ATP8A1: variants seen among roughly 807,000 people sequenced by gnomAD.
ATP8A1 encodes the protein phospholipid-transporting ATPase IA.
In ATP8A1, 90 loss-of-function variants were observed where a neutral mutation model predicts 177.7. That is an observed-to-expected ratio of 0.51 (90% CI 0.43 to 0.60). The LOEUF is 0.60. Ranked by LOEUF, ATP8A1 falls within the 20% of genes least tolerant of loss-of-function variation. The pLI is 0.00. For missense variants in ATP8A1, 1,072 were observed against 1,392.8 expected (o/e 0.77, Z 3.67); for synonymous variants, 493 against 485.9 (o/e 1.01, Z -0.19).
intron 20 of ATP8A1, among the ~76,000 whole-genome samples, chr4:42,529,928 A>C (rs1727089644): frequency 6.6e-6 from 1 of 151,570 alleles, no homozygotes; most frequent in Non-Finnish European, 1.5e-5. Context: ...ACTTGGAAGA[A>C]GCATGACTGG....
intron 20 of ATP8A1, among the ~76,000 whole-genome samples, chr4:42,541,137 G>C (rs954483348): frequency 6.6e-6 from 1 of 151,256 alleles, no homozygotes; most frequent in Non-Finnish European, 1.5e-5. Flanking sequence ...AAAAATAAAT[G>C]AATAAATGAA....
chr4:42,563,820 C>T lies in ATP8A1; in HGVS notation c.1340+5341G>A, dbSNP rs151045384. On this transcript the variant is annotated intron_variant, in intron 15 of 36. Transcript: ENST00000381668. ...ATCAAGAATTGAGGTTTGGGCCAGG[C>T]GTGGTGGCTCATATCTGTAATCCTA... 2.0e-4 allele frequency among the ~76,000 whole-genome samples: 31 copies of T among 152,272 alleles called. No individual in the cohort carries two copies. In the South Asian group the frequency reaches 3.5e-3, roughly 17 times the overall value.
At position 42,423,654 on chromosome 4, in the gene ATP8A1, G is replaced by T. The variant is rs765368933; in HGVS notation, c.3175C>A (p.Pro1059Thr). The change falls in exon 34 of 37, where the codon CCT (proline) becomes ACT (threonine). Residue 1059 changes from proline (P) to threonine (T), a missense_variant. Around this residue, in one of 5 missense-constraint regions of ATP8A1, gnomAD observed 316 missense variants for 459.1 expected, o/e 0.69. Coordinates refer to ENST00000381668, the MANE Select transcript of ATP8A1 (RefSeq NM_006095.2). ...GVFWMGLLFIPVASLLLDVVY... is the reference protein window; with the variant it reads ...GVFWMGLLFITVASLLLDVVY... ...ACATCAAGGAGCAGAGATGCCACAG[G>T]GATGAATAACAAGCCCATCCAAAAG... 1.2e-6 allele frequency: 2 copies of T among 1,612,716 alleles called. No homozygotes were observed. The highest frequency in any genetic ancestry group is 1.7e-5 in the Admixed American group (1 of 59,862).
intron 22 of ATP8A1, among the ~76,000 whole-genome samples, chr4:42,516,885 A>G (rs1333210772): frequency 6.6e-6 from 1 of 152,266 alleles, no homozygotes; most frequent in Non-Finnish European, 1.5e-5. Context: ...GGCTCCTGAT[A>G]TATTAAAGTG....
intron 1 of ATP8A1, among the ~76,000 whole-genome samples, chr4:42,654,559 T>C (rs980258038): frequency 2.2e-4 from 33 of 152,200 alleles, no homozygotes; most frequent in African/African-American, 7.7e-4. Flanking sequence ...TACTCACTCA[T>C]AGTTTCTGCT....
chr4:42,629,839 A>G (rs1256658844), intron 1 of ATP8A1, among the ~76,000 whole-genome samples: 1 of 152,240 alleles, frequency 6.6e-6, no homozygotes, highest in Non-Finnish European at 1.5e-5. Flanking sequence ...AAACTCTTCA[A>G]TGCAATCATC....
rs1716899810 is a variant in ATP8A1 at position 42,443,754 on chromosome 4, T to G, written c.3016-82A>C. The G allele has an allele frequency of 1.8e-5, 12 of 675,234 alleles. No individual in the cohort carries two copies. In the South Asian group the frequency reaches 1.9e-4, roughly 11 times the overall value. 41.8% of individuals were successfully genotyped at this position (675,234 alleles called of 1,614,324 possible). On this transcript the variant is annotated intron_variant, in intron 32 of 36. Transcript: ENST00000381668. ...ACTAATGAAACTCTCTCAAATTCCC[T>G]TATTAACTTTTTATTATATCCATAA...
chr4:42,655,974 C>G (rs1176935556), intron 1 of ATP8A1, among the ~76,000 whole-genome samples: 1 of 152,182 alleles, frequency 6.6e-6, no homozygotes, highest in Non-Finnish European at 1.5e-5. Flanking sequence ...ACAAACAAAC[C>G]TTGGGATATT....
intron 1 of ATP8A1, among the ~76,000 whole-genome samples, chr4:42,638,717 T>C (rs1015969055): frequency 2.6e-5 from 4 of 152,212 alleles, no homozygotes; most frequent in Non-Finnish European, 5.9e-5. Context: ...AATTAAATAG[T>C]ATATTTGCCA....
At chr4:42,652,953 C>T (rs1386638243) in intron 1 of ATP8A1, among the ~76,000 whole-genome samples, 1 of 128,624 alleles carries the variant, frequency 7.8e-6, no homozygotes, top group Non-Finnish European at 1.8e-5. Context: ...CTTCCCCTCA[C>T]CGTTCCTAAT....
rs535784898 is a variant in ATP8A1 at position 42,625,455 on chromosome 4, A to G, written c.264+159T>C. 260 of 473,610 alleles carry G rather than the reference A, an allele frequency of 5.5e-4. 4 individuals carry two copies. In the South Asian group the frequency reaches 0.013, roughly 24 times the overall value. 29.3% of individuals were successfully genotyped at this position (473,610 alleles called of 1,614,324 possible). ...TGATAAAAATGAATCAAAAGGCTGG[A>G]AAAGGTAGTGGATTCCAACACTGCT... On this transcript the variant is annotated intron_variant, in intron 3 of 36. Coordinates refer to ENST00000381668, the MANE Select transcript of ATP8A1 (RefSeq NM_006095.2).
chr4:42,490,689 A>G (rs1019514765), intron 24 of ATP8A1, among the ~76,000 whole-genome samples: 3 of 152,050 alleles, frequency 2.0e-5, no homozygotes, highest in Admixed American at 6.5e-5. Context: ...CCCCATTGGC[A>G]CTATTTCCTT....
In ATP8A1 at chr4:42,626,872, T is replaced by G. The variant is rs16854620; in HGVS notation, c.164+123A>C. The G allele has an allele frequency of 5.7e-3, 4,062 of 717,890 alleles. 105 individuals carry two copies. The African/African-American group carries it at 0.063, about 11-fold the overall frequency. 44.5% of individuals were successfully genotyped at this position (717,890 alleles called of 1,614,324 possible). On this transcript the variant is annotated intron_variant, in intron 2 of 36. Coordinates refer to ENST00000381668, the MANE Select transcript of ATP8A1 (RefSeq NM_006095.2). ...AGATGGGGAAACAGCCTATTCACAC[T>G]GCCAACAGGGAGCTCTCAAATATTA...
At chr4:42,490,798 C>T (rs746244424) in intron 24 of ATP8A1, among the ~76,000 whole-genome samples, 2 of 152,126 alleles carry the variant, frequency 1.3e-5, no homozygotes, top group Admixed American at 6.5e-5. Flanking sequence ...TCCCTGAGTC[C>T]TCCAGGTGAC....
chr4:42,637,226 C>T (rs960581189), intron 1 of ATP8A1: 18 of 518,462 alleles, frequency 3.5e-5, no homozygotes, highest in Middle Eastern at 6.3e-4. Flanking sequence ...AATAAGCAGG[C>T]TACCTGGAAC....
intron 27 of ATP8A1, among the ~76,000 whole-genome samples, chr4:42,461,763 G>A (rs938618620): frequency 1.3e-5 from 2 of 152,146 alleles, no homozygotes; most frequent in African/African-American, 4.8e-5. Flanking sequence ...AGTTTGGAGA[G>A]CTCATAAAAA....
chr4:42,602,287 G>A (rs1464101597), intron 5 of ATP8A1, among the ~76,000 whole-genome samples: 1 of 152,126 alleles, frequency 6.6e-6, no homozygotes, highest in African/African-American at 2.4e-5. Context: ...AGACTCTAAT[G>A]CCTGCAGAGC....
At chr4:42,611,922 T>G (rs1428892252) in intron 5 of ATP8A1, among the ~76,000 whole-genome samples, 1 of 152,092 alleles carries the variant, frequency 6.6e-6, no homozygotes, top group Non-Finnish European at 1.5e-5. Context: ...TGTGCCAAAA[T>G]GTGAGTTCAA....
chr4:42,586,417 T>C lies in ATP8A1; in HGVS notation c.654A>G (p.Arg218=). Residue 218 remains arginine (R), a synonymous_variant, in exon 9 of 37, where the codon AGA becomes AGG. Coordinates refer to ENST00000381668, the MANE Select transcript of ATP8A1 (RefSeq NM_006095.2). The part of the protein sequence containing the change: ...DVDSLMRISG[R]IECESPNRHL... ...GTCTGTTTGGACTTTCACACTCAATTCTGCCAGAAATCCTCATCAAACTGT... is the reference window on the plus strand; with the variant it reads ...GTCTGTTTGGACTTTCACACTCAATCCTGCCAGAAATCCTCATCAAACTGT... 6.2e-7 allele frequency: 1 copy of C among 1,614,134 alleles called. No homozygotes were observed. Among genetic ancestry groups the C allele is most frequent in the Non-Finnish European group, 8.5e-7 (1 of 1,179,986 alleles).
Sources: allele counts gnomAD v4.1 joint callset (sites outside exome capture counted in the v4.1 genomes callset), GRCh38; gene constraint gnomAD v4.1.1; regional missense constraint gnomAD v4.1.1; transcripts MANE v1.5; gene names NCBI Gene and HGNC (gene_info 2026-07-23, HGNC 2026-07-21).